The following FSTL5 variants were observed in gnomAD, a reference collection of about 807,000 sequenced individuals.
The protein encoded by FSTL5 is follistatin like 5.
A neutral mutation model predicts 89.1 loss-of-function variants in FSTL5; 62 were observed. The observed-to-expected ratio is 0.70, with a 90% CI of 0.57 to 0.86. The LOEUF (loss-of-function observed/expected upper bound fraction) is 0.86, where lower values mean the gene tolerates loss of function less well. FSTL5 is among the 40% of genes least tolerant of loss of function. FSTL5 has a pLI of 0.00. For missense variants in FSTL5, 1,057 were observed against 1,001.6 expected (o/e 1.06, Z -0.75); for synonymous variants, 383 against 346.2 (o/e 1.11, Z -1.18).
chr4:161,759,048 C>T (rs1418023054), intron 6 of FSTL5, among the ~76,000 whole-genome samples: 1 of 152,160 alleles, frequency 6.6e-6, no homozygotes, highest in Non-Finnish European at 1.5e-5. Flanking sequence ...TTTGGTTTCC[C>T]AATGAAGTTA....
chr4:161,455,275 A>G (rs919938741), intron 14 of FSTL5, 147 bp from the exon 15 acceptor site: 1 of 499,262 alleles, frequency 2.0e-6, no homozygotes, highest in African/African-American at 2.0e-5. Flanking sequence ...TTATTACACA[A>G]ATTACAATTC....
chr4:161,492,997 A>G (rs1244714758), intron 12 of FSTL5, among the ~76,000 whole-genome samples: 1 of 151,952 alleles, frequency 6.6e-6, no homozygotes, highest in African/African-American at 2.4e-5. Flanking sequence ...GATATTTGTG[A>G]CTTTTTTAAA....
At chr4:161,770,548 C>G (rs1741171426) in intron 5 of FSTL5, among the ~76,000 whole-genome samples, 1 of 151,810 alleles carries the variant, frequency 6.6e-6, no homozygotes, top group Non-Finnish European at 1.5e-5. Flanking sequence ...TCATGCATAT[C>G]TGAGGACTTA....
chr4:161,424,200 T>C (rs760126233), intron 15 of FSTL5, among the ~76,000 whole-genome samples: 1 of 151,704 alleles, frequency 6.6e-6, no homozygotes, highest in Non-Finnish European at 1.5e-5. Context: ...TTATATTGCT[T>C]ATCATCACAG....
intron 8 of FSTL5, among the ~76,000 whole-genome samples, chr4:161,553,689 C>G (rs1020331271): frequency 8.6e-5 from 13 of 151,314 alleles, no homozygotes; most frequent in African/African-American, 3.1e-4. Context: ...TGGAATTTGA[C>G]TACTTGGCAT....
chr4:161,440,834 A>G (rs1732734418), intron 15 of FSTL5, among the ~76,000 whole-genome samples: 1 of 152,118 alleles, frequency 6.6e-6, no homozygotes, highest in African/African-American at 2.4e-5. Context: ...TGATGTTTAC[A>G]TTTTAGACCA....
At chr4:162,152,401 A>T (rs1269103556) in intron 1 of FSTL5, among the ~76,000 whole-genome samples, 2 of 152,096 alleles carry the variant, frequency 1.3e-5, no homozygotes, top group Non-Finnish European at 2.9e-5. Context: ...AAGCGCACTA[A>T]CTCTTGATAT....
At chr4:161,623,519 G>T (rs1735212822) in intron 7 of FSTL5, among the ~76,000 whole-genome samples, 1 of 151,398 alleles carries the variant, frequency 6.6e-6, no homozygotes, top group Non-Finnish European at 1.5e-5. Context: ...TAATTTTCCT[G>T]TTTGTTAAAA....
rs745487751 is a variant in FSTL5 at position 161,538,255 on chromosome 4, G to A, written c.1223C>T (p.Thr408Ile). Residue 408 changes from threonine to isoleucine, a missense_variant, in exon 10 of 16, where the codon ACT (threonine) becomes ATT (isoleucine). Coordinates refer to ENST00000306100, the MANE Select transcript of FSTL5 (RefSeq NM_020116.5). ...VHISNVRYEDTGAYTCIAKNE... is the reference protein window; with the variant it reads ...VHISNVRYEDIGAYTCIAKNE... ...CTTTGCGATACAAGTGTATGCTCCA[G>A]TATCTTCATAGCGCACATTGCTTAT... is the stretch of plus-strand genomic sequence containing the variant. 6.2e-7 allele frequency: 1 copy of A among 1,614,012 alleles called. No homozygotes were observed. Among genetic ancestry groups the A allele is most frequent in the Non-Finnish European group, 8.5e-7 (1 of 1,179,894 alleles).
chr4:161,855,769 CACTT>C (rs1296820313), intron 4 of FSTL5, among the ~76,000 whole-genome samples: 1 of 152,088 alleles, frequency 6.6e-6, no homozygotes, highest in East Asian at 1.9e-4. Flanking sequence ...TTAGCTTTCT[CACTT>C]AGACTGGTAA....
chr4:161,452,173 T>C (rs1733189661), intron 15 of FSTL5, among the ~76,000 whole-genome samples: 2 of 152,146 alleles, frequency 1.3e-5, no homozygotes, highest in Non-Finnish European at 2.9e-5. Flanking sequence ...ATGCTGAATT[T>C]GCTTAGAAAT....
chr4:161,902,018 A>G (rs765246339), intron 4 of FSTL5, among the ~76,000 whole-genome samples: 8 of 152,142 alleles, frequency 5.3e-5, no homozygotes, highest in Non-Finnish European at 1.0e-4. Flanking sequence ...GGAACATTTT[A>G]GTTTTCTTCC....
At chr4:162,140,962 G>C (rs28525305) in intron 1 of FSTL5, among the ~76,000 whole-genome samples, 46 of 151,916 alleles carry the variant, frequency 3.0e-4, no homozygotes, top group African/African-American at 1.0e-3. Context: ...GTAGGGCCTG[G>C]TGGGAGGTGT....
intron 15 of FSTL5, among the ~76,000 whole-genome samples, chr4:161,403,562 T>G (rs1731257129): frequency 6.6e-6 from 1 of 152,228 alleles, no homozygotes; most frequent in African/African-American, 2.4e-5. Flanking sequence ...CTACCTTTTG[T>G]TCTTTTATAA....
rs191137041 is a variant in FSTL5 at position 161,488,264 on chromosome 4, A to G, written c.1459-7095T>C. Among the ~76,000 whole-genome samples the G allele has an allele frequency of 5.9e-5, 9 of 152,206 alleles. No homozygotes were observed. The East Asian group carries it at 1.7e-3, about 29-fold the overall frequency. On this transcript the variant is annotated intron_variant, in intron 12 of 15. Transcript: ENST00000306100. ...AAATATCATAAGTAGTCTTTCTCAT[A>G]TTAGTCAGAACATAGGTAGTCATGG... is the stretch of plus-strand genomic sequence containing the variant.
intron 4 of FSTL5, among the ~76,000 whole-genome samples, chr4:161,884,433 G>A (rs1350196298): frequency 6.6e-6 from 1 of 152,042 alleles, no homozygotes; most frequent in Non-Finnish European, 1.5e-5. Context: ...AGTATTAAAA[G>A]GATAACAAAG....
intron 2 of FSTL5, among the ~76,000 whole-genome samples, chr4:162,045,690 C>T (rs561349442): frequency 9.2e-5 from 14 of 152,084 alleles, no homozygotes; most frequent in Non-Finnish European, 1.9e-4. Context: ...CTACCACGAA[C>T]CTTCCATTTA....
chr4:161,904,689 G>GA (rs1296794560), intron 4 of FSTL5, among the ~76,000 whole-genome samples: 1 of 151,240 alleles, frequency 6.6e-6, no homozygotes, highest in African/African-American at 2.4e-5. Flanking sequence ...ACTTAGTAAA[G>GA]AAAAAAATAT....
intron 1 of FSTL5, among the ~76,000 whole-genome samples, chr4:162,161,437 G>C (rs1010135732): frequency 6.6e-6 from 1 of 151,744 alleles, no homozygotes; most frequent in Non-Finnish European, 1.5e-5. Context: ...AGATGCAAAA[G>C]CTAAAAGTGT....
Sources: gnomAD v4.1 joint callset for allele counts (sites outside exome capture counted in the v4.1 genomes callset) on GRCh38, gnomAD v4.1.1 for gene constraint, MANE v1.5 for transcripts, NCBI Gene and HGNC (gene_info 2026-07-23, HGNC 2026-07-21) for gene names.